Variants in INPP4B observed in about 807,000 individuals in gnomAD.
The protein encoded by INPP4B is inositol polyphosphate-4-phosphatase type II B.
A neutral mutation model predicts 122.5 loss-of-function variants in INPP4B; 55 were observed. The ratio of observed to expected loss-of-function variants is 0.45; its 90% CI spans 0.36 to 0.56. INPP4B has a LOEUF of 0.56. INPP4B is among the 20% of genes least tolerant of loss of function. The probability of loss-of-function intolerance (pLI) is 0.00; values close to 1 mark genes in which losing one functional copy is unlikely to be tolerated. For missense variants in INPP4B, 1,000 were observed against 1,097.7 expected, an observed-to-expected ratio of 0.91 and a Z score of 1.26; for synonymous variants, 403 against 388.7, an observed-to-expected ratio of 1.04 and a Z score of -0.43.
intron 8 of INPP4B, among the ~76,000 whole-genome samples, chr4:142,306,638 G>A (rs569140075): frequency 1.0e-3 from 152 of 152,252 alleles, no homozygotes; most frequent in African/African-American, 3.1e-3. Flanking sequence ...GCTTCAAGTC[G>A]GAATTTTTCT....
chr4:142,134,521 A>C (rs1460542304), intron 18 of INPP4B, among the ~76,000 whole-genome samples: 3 of 152,204 alleles, frequency 2.0e-5, no homozygotes, highest in African/African-American at 7.2e-5. Flanking sequence ...TGATTATTTA[A>C]GTTTTAAAAA....
chr4:142,166,577 A>T (rs544748671), intron 16 of INPP4B, among the ~76,000 whole-genome samples: 60 of 152,032 alleles, frequency 3.9e-4, no homozygotes, highest in Non-Finnish European at 6.9e-4. Flanking sequence ...GAACAACGAA[A>T]GGAACTATCA....
chr4:142,574,353 A>G (rs1239991456), intron 2 of INPP4B, among the ~76,000 whole-genome samples: 3 of 152,064 alleles, frequency 2.0e-5, no homozygotes, highest in Admixed American at 1.3e-4. Context: ...TTAAGGTCCA[A>G]TTAAAATCCC....
chr4:142,444,845 A>C (rs955345251), intron 3 of INPP4B, among the ~76,000 whole-genome samples: 7 of 152,088 alleles, frequency 4.6e-5, no homozygotes, highest in African/African-American at 1.4e-4. Flanking sequence ...GAAAAAAAAG[A>C]ATGAGTTTAT....
chr4:142,246,007 TACACACATGTGTGTATGTAC>T (rs1176881384), intron 11 of INPP4B, among the ~76,000 whole-genome samples: 37 of 141,110 alleles, frequency 2.6e-4, no homozygotes, highest in African/African-American at 9.5e-4. Flanking sequence ...TGTGTATGTA[TACACACATGTGTGTATGTAC>T]ACACACGTGT....
rs142841661 is a variant in INPP4B, at chr4:142,307,916, A to G, written c.424-2379T>C. ...TGAGATTATTGCAGTCTTTTTGGCA[A>G]TAAAAGTAGCAAACACCCCACAGTG... On this transcript the variant is annotated intron_variant, in intron 8 of 25. Transcript: ENST00000262992. 3.9e-3 allele frequency among the ~76,000 whole-genome samples: 592 copies of G among 152,108 alleles called. 4 individuals are homozygous for G. Among genetic ancestry groups the G allele is most frequent in the Middle Eastern group, 6.8e-3 (2 of 294 alleles).
chr4:142,080,341 A>C (rs1021433290), intron 25 of INPP4B, among the ~76,000 whole-genome samples: 14 of 152,268 alleles, frequency 9.2e-5, no homozygotes, highest in Middle Eastern at 3.4e-3. Flanking sequence ...AAAAGAACTC[A>C]TCTTATTTTC....
chr4:142,617,717 G>A (rs1744020370), intron 2 of INPP4B, among the ~76,000 whole-genome samples: 2 of 152,044 alleles, frequency 1.3e-5, no homozygotes, highest in South Asian at 4.1e-4. Context: ...AGATGAAAAG[G>A]GAGAATATCC....
chr4:142,066,055 G>A (rs1183371681), intron 25 of INPP4B, among the ~76,000 whole-genome samples: 3 of 151,868 alleles, frequency 2.0e-5, no homozygotes, highest in Non-Finnish European at 4.4e-5. Flanking sequence ...TCTGGGAAGA[G>A]TCTCATGATC....
intron 2 of INPP4B, among the ~76,000 whole-genome samples, chr4:142,669,489 G>T (rs1049486540): frequency 6.6e-6 from 1 of 152,084 alleles, no homozygotes; most frequent in Admixed American, 6.6e-5. Flanking sequence ...AAGCAGAAAG[G>T]AGAGCCCAGA....
At chr4:142,556,033 A>G (rs528114986) in intron 2 of INPP4B, among the ~76,000 whole-genome samples, 1 of 152,276 alleles carries the variant, frequency 6.6e-6, no homozygotes, top group Admixed American at 6.5e-5. Flanking sequence ...CAGACACAAG[A>G]TTGTAAAGAT....
At chr4:142,374,627 T>A (rs1007201553) in intron 7 of INPP4B, among the ~76,000 whole-genome samples, 4 of 151,918 alleles carry the variant, frequency 2.6e-5, no homozygotes, top group African/African-American at 9.7e-5. Flanking sequence ...AATCATCTTT[T>A]TATTGATATT....
chr4:142,473,320 G>C (rs959001411), intron 2 of INPP4B: 1 of 152,618 alleles, frequency 6.6e-6, no homozygotes, highest in Non-Finnish European at 1.5e-5. Flanking sequence ...GCAGAGAGCA[G>C]AAAGGAGCAA....
At chr4:142,269,961 T>A (rs752390444) in intron 10 of INPP4B, among the ~76,000 whole-genome samples, 3 of 152,200 alleles carry the variant, frequency 2.0e-5, no homozygotes, top group Non-Finnish European at 4.4e-5. Flanking sequence ...TGTGCTTCAA[T>A]GGTCTCAATA....
At chr4:142,642,569 G>C (rs1038010219) in intron 2 of INPP4B, among the ~76,000 whole-genome samples, 3 of 152,180 alleles carry the variant, frequency 2.0e-5, no homozygotes, top group African/African-American at 7.2e-5. Context: ...TCAAAGATCA[G>C]ATAGTTGTAG....
At chr4:142,434,672 G>C (rs1037444737) in intron 3 of INPP4B, among the ~76,000 whole-genome samples, 1 of 152,124 alleles carries the variant, frequency 6.6e-6, no homozygotes, top group Non-Finnish European at 1.5e-5. Context: ...TTATAGTGTT[G>C]GCTTTCTAGG....
intron 9 of INPP4B, among the ~76,000 whole-genome samples, chr4:142,284,541 G>A (rs1467181952): frequency 1.3e-5 from 2 of 152,074 alleles, no homozygotes. Context: ...CTGATAGGTT[G>A]GTAAATGTGG....
chr4:142,314,309 A>G (rs1202126615), intron 8 of INPP4B, among the ~76,000 whole-genome samples: 1 of 152,124 alleles, frequency 6.6e-6, no homozygotes, highest in Admixed American at 6.5e-5. Flanking sequence ...GACCTTCATT[A>G]CAGTGTTTAA....
rs554513361 is a variant in INPP4B, at chr4:142,429,273, G to A, written c.92-56C>T. On this transcript the variant is annotated intron_variant, in intron 4 of 25. Coordinates refer to ENST00000262992, the MANE Select transcript of INPP4B (RefSeq NM_001101669.3). The stretch of plus-strand genomic sequence containing the variant: ...TAAAAAATTGAATTATCAAGAATAT[G>A]TCAATATATATTACTATGCTTCATT... 2.2e-5 allele frequency: 19 copies of A among 869,270 alleles called. No homozygotes were observed. In the East Asian group the frequency reaches 4.7e-4, roughly 22 times the overall value. The allele number at this position is 869,270 out of a possible 1,614,324, so 53.8% of individuals were successfully genotyped here.
Sources: allele counts gnomAD v4.1 joint callset (sites outside exome capture counted in the v4.1 genomes callset), GRCh38; gene constraint gnomAD v4.1.1; transcripts MANE v1.5; gene names NCBI Gene and HGNC (gene_info 2026-07-23, HGNC 2026-07-21).